PARP8: variants seen among roughly 807,000 people sequenced by gnomAD.
The protein encoded by PARP8 is protein mono-ADP-ribosyltransferase PARP8.
In PARP8, 51 loss-of-function variants were observed where a neutral mutation model predicts 124.1. That is an observed-to-expected ratio of 0.41 (90% CI 0.33 to 0.52). The LOEUF (loss-of-function observed/expected upper bound fraction) is 0.52. PARP8 is among the 20% of genes least tolerant of loss of function. PARP8 has a pLI of 0.21. For missense variants in PARP8, 860 were observed against 1,018.9 expected (o/e 0.84, Z 2.12); for synonymous variants, 391 against 361.5 (o/e 1.08, Z -0.93).
intron 2 of PARP8, among the ~76,000 whole-genome samples, chr5:50,749,784 CT>C (rs747140590): frequency 6.6e-6 from 1 of 151,850 alleles, no homozygotes; most frequent in Non-Finnish European, 1.5e-5. Flanking sequence ...AAGAGAAATA[CT>C]TTTTTGGTAA....
At chr5:50,751,556 A>AC (rs1759266134) in intron 3 of PARP8, among the ~76,000 whole-genome samples, 1 of 152,140 alleles carries the variant, frequency 6.6e-6, no homozygotes, top group South Asian at 2.1e-4. Flanking sequence ...GGCTGATGTA[A>AC]CCAGTATATC....
At chr5:50,762,788 T>C (rs899332069) in intron 6 of PARP8, among the ~76,000 whole-genome samples, 1 of 152,200 alleles carries the variant, frequency 6.6e-6, no homozygotes, top group African/African-American at 2.4e-5. Context: ...ATTTTAACAT[T>C]ATGCAAAATC....
chr5:50,759,782 A>T, intron 4 of PARP8, 50 bp downstream of exon 4: 1 of 1,512,056 alleles, frequency 6.6e-7, no homozygotes. Flanking sequence ...AAATTGCATT[A>T]TCTTTTTTTG....
chr5:50,829,755 A>G, intron 21 of PARP8, 137 bp from the exon 22 acceptor site: 1 of 776,216 alleles, frequency 1.3e-6, no homozygotes, highest in African/African-American at 1.8e-5. Context: ...TACTGTTTTC[A>G]AATTAGACCT....
At chr5:50,745,575 T>C (rs542795820) in intron 2 of PARP8, among the ~76,000 whole-genome samples, 1 of 152,344 alleles carries the variant, frequency 6.6e-6, no homozygotes, top group Admixed American at 6.5e-5. Context: ...GGACTCCTAT[T>C]TGTCTGTCTT....
intron 14 of PARP8, among the ~76,000 whole-genome samples, chr5:50,806,022 A>G (rs1303761106): frequency 3.9e-5 from 6 of 152,030 alleles, no homozygotes; most frequent in Admixed American, 3.3e-4. Flanking sequence ...TGCTTGTTCC[A>G]TAGCATTGCC....
chr5:50,748,264 T>C (rs1035949378), intron 2 of PARP8, among the ~76,000 whole-genome samples: 3 of 152,082 alleles, frequency 2.0e-5, no homozygotes, highest in Non-Finnish European at 4.4e-5. Flanking sequence ...AGGGTTAATA[T>C]ATCATTTTAC....
chr5:50,759,622 C>CTTTT lies in PARP8; in HGVS notation c.185-8_185-5dup, dbSNP rs4029424. Reference sequence around the variant, plus strand: ...TTTTTAAACTTATGCCTTTCATTATCTTTTTTTTTTTTTTTTGCAGATAAT... The same window carrying CTTTT: ...TTTTTAAACTTATGCCTTTCATTATCTTTTTTTTTTTTTTTTTTTTGCAGATAAT... On this transcript the variant is annotated intron_variant, in intron 3 of 25. Transcript: ENST00000281631. 2.5e-3 allele frequency: 3,339 copies of CTTTT among 1,323,874 alleles called. 31 individuals are homozygous for CTTTT. Among genetic ancestry groups the CTTTT allele is most frequent in the South Asian group, 6.1e-3 (355 of 57,954 alleles). 82.0% of individuals were successfully genotyped at this position (1,323,874 alleles called of 1,614,324 possible). A position where few individuals can be genotyped will look rare whatever the true frequency, so the allele number is the denominator to read the frequency against.
Position 50,835,016 on chromosome 5 carries a change from G to T in PARP8, c.2462+1G>T, listed in dbSNP as rs1442287386. The T allele has an allele frequency of 1.9e-6, 3 of 1,611,370 alleles. No homozygotes were observed. In the Admixed American group the frequency reaches 5.0e-5, roughly 27 times the overall value. ...ATGTCTGCACACGATTCTTTTTCGT[G>T]TAAGTGGAAATGCTCAAATTTGTAT... On this transcript the variant is annotated splice_donor_variant, in intron 25 of 25. Transcript: ENST00000281631. LOFTEE classifies it high-confidence loss of function.
intron 2 of PARP8, among the ~76,000 whole-genome samples, chr5:50,730,989 A>G (rs1756923561): frequency 6.6e-6 from 1 of 152,256 alleles, no homozygotes; most frequent in South Asian, 2.1e-4. Context: ...TGAGCAAGAA[A>G]GATTAGATCT....
chr5:50,685,089 C>T lies in PARP8; in HGVS notation c.146+16964C>T, dbSNP rs572969482. Among the ~76,000 whole-genome samples, 297 of 152,050 alleles carry T rather than the reference C, an allele frequency of 2.0e-3. 3 individuals are homozygous for T. The highest frequency in any genetic ancestry group is 6.8e-3 in the African/African-American group (281 of 41,450). On this transcript the variant is annotated intron_variant, in intron 2 of 25. Coordinates refer to ENST00000281631, the MANE Select transcript of PARP8 (RefSeq NM_024615.4). ...GCATTTAGTTTTAAAATGTTATTTG[C>T]AGTTGATTAGAGAGTGGTGATAAGT...
intron 9 of PARP8, among the ~76,000 whole-genome samples, chr5:50,783,756 C>T (rs193201154): frequency 6.6e-6 from 1 of 152,150 alleles, no homozygotes; most frequent in Non-Finnish European, 1.5e-5. Flanking sequence ...ACATACTCAT[C>T]TTCATCATTT....
chr5:50,782,260 C>T (rs1372755430), intron 9 of PARP8, among the ~76,000 whole-genome samples: 1 of 152,168 alleles, frequency 6.6e-6, no homozygotes, highest in African/African-American at 2.4e-5. Context: ...GGGCATTTCT[C>T]ACATGGGGAT....
chr5:50,724,888 T>C (rs1193669290), intron 2 of PARP8, among the ~76,000 whole-genome samples: 1 of 151,896 alleles, frequency 6.6e-6, no homozygotes, highest in East Asian at 1.9e-4. Flanking sequence ...AAGTCCATTA[T>C]ATCACTCTGT....
chr5:50,716,080 TG>T (rs1289949601), intron 2 of PARP8, among the ~76,000 whole-genome samples: 1 of 152,146 alleles, frequency 6.6e-6, no homozygotes, highest in Non-Finnish European at 1.5e-5. Flanking sequence ...AAAAACTTGC[TG>T]TGATTCAAAT....
At chr5:50,711,219 T>A (rs534489252) in intron 2 of PARP8, among the ~76,000 whole-genome samples, 1 of 152,302 alleles carries the variant, frequency 6.6e-6, no homozygotes, top group East Asian at 1.9e-4. Context: ...CTTGCTGTTT[T>A]AAATATTATT....
intron 18 of PARP8, 31 bp downstream of exon 18, chr5:50,825,006 AACAGCATCCTTTTCT>A: frequency 6.5e-7 from 1 of 1,539,698 alleles, no homozygotes; most frequent in African/African-American, 1.4e-5. Context: ...TCTTAATGAA[AACAGCATCCTTTTCT>A]ACTGCTTGAT....
In PARP8 at chr5:50,666,987, C is replaced by G; in HGVS notation, c.-109C>G. The G allele has an allele frequency of 3.3e-6, 5 of 1,537,850 alleles. No individual in the cohort carries two copies. The highest frequency in any genetic ancestry group is 3.5e-6 in the Non-Finnish European group (4 of 1,145,960). ...AAACCACTTCGCCTTCAGCCCCTGC[C>G]TCGGCCAGAGGTTTCATTTTTAACT... On this transcript the variant is annotated 5_prime_UTR_variant, in exon 1 of 26. Coordinates refer to ENST00000281631, the MANE Select transcript of PARP8 (RefSeq NM_024615.4).
intron 22 of PARP8, 121 bp downstream of exon 22, chr5:50,830,082 C>G: frequency 8.4e-7 from 1 of 1,185,308 alleles, no homozygotes; most frequent in Non-Finnish European, 1.1e-6. Flanking sequence ...AATTTGTTTG[C>G]TAAATGTCAA....
Sources: allele counts gnomAD v4.1 joint callset (sites outside exome capture counted in the v4.1 genomes callset), GRCh38; gene constraint gnomAD v4.1.1; transcripts MANE v1.5; gene names NCBI Gene and HGNC (gene_info 2026-07-23, HGNC 2026-07-21).